NEB: variants seen among roughly 807,000 people sequenced by gnomAD.
NEB encodes nebulin, also known as nemaline myopathy type 2.
In NEB, 512 loss-of-function variants were observed where a neutral mutation model predicts 952.2. The observed-to-expected ratio is 0.54, with a 90% confidence interval of 0.50 to 0.58. The LOEUF is 0.58. Ranked by LOEUF, NEB falls within the 20% of genes least tolerant of loss-of-function variation. NEB has a pLI of 0.00. For missense variants in NEB, 8,428 were observed against 9,231.1 expected, an observed-to-expected ratio of 0.91 and a Z score of 3.56; for synonymous variants, 2,900 against 3,149.8, an observed-to-expected ratio of 0.92 and a Z score of 2.66.
chr2:151,712,582 C>T (rs1480599193), intron 10 of NEB, among the ~76,000 whole-genome samples: 2 of 151,646 alleles, frequency 1.3e-5, no homozygotes, highest in African/African-American at 2.4e-5. Flanking sequence ...AATCCACTCC[C>T]GAGCACTGCC....
In NEB at chr2:151,485,703, G is replaced by A. The variant is rs566096042; in HGVS notation, c.*57C>T. On this transcript the variant is annotated 3_prime_UTR_variant, in exon 182 of 182. Coordinates refer to ENST00000397345, the MANE Select transcript of NEB (RefSeq NM_001164508.2). Reference sequence around the variant, plus strand: ...TAGGTAACAGTGGAGAGTCTAAACCGAAACATTGACTGCAGGATCTGTAAG... The same window carrying A: ...TAGGTAACAGTGGAGAGTCTAAACCAAAACATTGACTGCAGGATCTGTAAG... 309 of 1,525,160 alleles carry A rather than the reference G, an allele frequency of 2.0e-4. 1 individual carries two copies. The African/African-American group carries it at 3.3e-3, about 16-fold the overall frequency. The allele number at this position is 1,525,160 out of a possible 1,614,324, so 94.5% of individuals were successfully genotyped here.
chr2:151,574,988 C>T (rs746795048), intron 107 of NEB, among the ~76,000 whole-genome samples: 4 of 152,298 alleles, frequency 2.6e-5, no homozygotes, highest in Non-Finnish European at 5.9e-5. Context: ...AATCCTCTGG[C>T]CTTGACCTCC....
At chr2:151,496,545 A>T (rs1425502301) in intron 172 of NEB, among the ~76,000 whole-genome samples, 177 bp from the exon 173 acceptor site, 2 of 152,162 alleles carry the variant, frequency 1.3e-5, no homozygotes, top group African/African-American at 4.8e-5. Context: ...TGGGATGGGG[A>T]ATCTGCACCC....
chr2:151,562,842 G>C, intron 119 of NEB, 34 bp from the exon 120 acceptor site: 3 of 1,439,290 alleles, frequency 2.1e-6, no homozygotes, highest in Non-Finnish European at 2.9e-6. Flanking sequence ...TAAGAAAGGG[G>C]TTTAAATGTA....
At chr2:151,662,024 A>G (rs2099154801) in intron 46 of NEB, 111 bp downstream of exon 46, 1 of 826,900 alleles carries the variant, frequency 1.2e-6, no homozygotes, top group Non-Finnish European at 1.8e-6. Context: ...AGGTAAAATA[A>G]CCTCAAGTGT....
intron 121 of NEB, 46 bp from the exon 122 acceptor site, chr2:151,561,358 T>C: frequency 7.5e-7 from 1 of 1,329,108 alleles, no homozygotes; most frequent in South Asian, 1.2e-5. Flanking sequence ...CATACAGGTC[T>C]GTCATCAGCT....
chr2:151,485,985 T>A, intron 181 of NEB, 52 bp from the exon 182 acceptor site: 1 of 1,540,364 alleles, frequency 6.5e-7, no homozygotes, highest in Non-Finnish European at 8.9e-7. Context: ...TTTGCAACAG[T>A]TAACACACAT....
At chr2:151,496,805 G>GA in intron 172 of NEB, 136 bp downstream of exon 172, 2 of 1,152,796 alleles carry the variant, frequency 1.7e-6, no homozygotes, top group Non-Finnish European at 1.2e-6. Flanking sequence ...TAGCCCAAAG[G>GA]AAAAAAGGAT....
intron 176 of NEB, 43 bp from the exon 177 acceptor site, chr2:151,492,537 C>T: frequency 7.0e-7 from 1 of 1,437,900 alleles, no homozygotes; most frequent in Non-Finnish European, 9.7e-7. Flanking sequence ...TGTCCTAAAT[C>T]TGAAACCTCA....
In NEB at chr2:151,535,724, C is replaced by G. The variant is rs1173221960; in HGVS notation, c.21279G>C (p.Arg7093Ser). The change falls in exon 142 of 182, where the codon AGG becomes AGC. Residue 7093 changes from arginine to serine, a missense_variant. Arg to Ser is a moderately radical substitution (Grantham distance 110). Transcript: ENST00000397345. ...FKYVADSPIN[R>S]HFKYATQLMN... ...TCAATTGAGTTGCATACTTGAAATG[C>G]CTATTGATCGGAGAGTCGGCAACAT... 6.2e-7 allele frequency: 1 copy of G among 1,608,886 alleles called. No homozygotes were observed. Among genetic ancestry groups the G allele is most frequent in the Non-Finnish European group, 8.5e-7 (1 of 1,177,210 alleles).
chr2:151,678,123 T>A lies in NEB; in HGVS notation c.3320A>T (p.Asp1107Val), dbSNP rs749185640. Residue 1107 changes from aspartate to valine, a missense_variant, in exon 33 of 182, where the codon GAT (aspartate) becomes GTT (valine). Transcript: ENST00000397345. ...CATATAATGAACCAGTTTAGGGTCATCTTGAAGACTTTGGAAGCCAACCAT... is the reference window on the plus strand; with the variant it reads ...CATATAATGAACCAGTTTAGGGTCAACTTGAAGACTTTGGAAGCCAACCAT... Reference protein sequence around the residue: ...GKMVGFQSLQDDPKLVHYMNV... With the variant: ...GKMVGFQSLQVDPKLVHYMNV... The A allele has an allele frequency of 1.2e-6, 2 of 1,613,652 alleles. No individual in the cohort carries two copies. The highest frequency in any genetic ancestry group is 1.7e-6 in the Non-Finnish European group (2 of 1,179,646).
intron 150 of NEB, 125 bp downstream of exon 150, chr2:151,525,833 C>G (rs2085403625): frequency 2.5e-6 from 2 of 799,458 alleles, no homozygotes; most frequent in Non-Finnish European, 4.5e-6. Context: ...TTAAGATTCA[C>G]ATGTAGATAT....
chr2:151,705,787 T>A (rs1366106407), intron 13 of NEB, among the ~76,000 whole-genome samples: 1 of 152,180 alleles, frequency 6.6e-6, no homozygotes, highest in Non-Finnish European at 1.5e-5. Context: ...TGAATGGAGC[T>A]GGAGGCCATT....
Position 151,627,077 on chromosome 2 carries a change from G to A in NEB, c.10272C>T (p.Asp3424=). The A allele has an allele frequency of 6.2e-7, 1 of 1,613,940 alleles. No individual in the cohort carries two copies. The highest frequency in any genetic ancestry group is 8.5e-7 in the Non-Finnish European group (1 of 1,179,872). The change falls in exon 70 of 182, where the codon GAC becomes GAT. Residue 3424 remains aspartate (D), a synonymous_variant. Coordinates refer to ENST00000397345, the MANE Select transcript of NEB (RefSeq NM_001164508.2). ...CAGTCACACTGGTAAATTTCAGCTTGTCCGGAGGCTGGCGGTAGATGTTAT... is the reference window on the plus strand; with the variant it reads ...CAGTCACACTGGTAAATTTCAGCTTATCCGGAGGCTGGCGGTAGATGTTAT... ...LSDNIYRQPP[D]KLKFTSVTDS... is the part of the protein sequence containing the mutation.
intron 154 of NEB, 66 bp from the exon 155 acceptor site, chr2:151,519,135 A>G (rs1384563469): frequency 2.0e-6 from 2 of 1,002,218 alleles, no homozygotes; most frequent in Non-Finnish European, 3.2e-6. Context: ...AATGGAAATC[A>G]AAGTGAGATA....
At chr2:151,612,073 G>T in intron 78 of NEB, 113 bp downstream of exon 78, 1 of 1,109,860 alleles carries the variant, frequency 9.0e-7, no homozygotes, top group Non-Finnish European at 1.3e-6. Context: ...GCCTGCATGA[G>T]AATCAGGCCT....
At chr2:151,662,914 C>G (rs1330346112) in intron 45 of NEB, among the ~76,000 whole-genome samples, 1 of 152,188 alleles carries the variant, frequency 6.6e-6, no homozygotes, top group Non-Finnish European at 1.5e-5. Flanking sequence ...CTTACTACCT[C>G]CCTGACAATT....
Position 151,667,756 on chromosome 2 carries a change from C to T in NEB, c.4719+48G>A, listed in dbSNP as rs1056203013. ...ATGTTGCCCAGGCTGGTCTTGAACT[C>T]CTGAAGTCTTTTAGATAGAAAGTTT... On this transcript the variant is annotated intron_variant, in intron 40 of 181. Transcript: ENST00000397345. The T allele has an allele frequency of 5.4e-6, 8 of 1,492,936 alleles. No individual in the cohort carries two copies. The Admixed American group carries it at 1.2e-4, about 22-fold the overall frequency. The allele number at this position is 1,492,936 out of a possible 1,614,324, so 92.5% of individuals were successfully genotyped here.
chr2:151,660,227 A>G (rs2099131506), intron 46 of NEB, among the ~76,000 whole-genome samples: 2 of 152,186 alleles, frequency 1.3e-5, no homozygotes, highest in Admixed American at 6.5e-5. Context: ...TCATGCCAGC[A>G]TCACTGTTCA....
Sources: gnomAD v4.1 joint callset for allele counts (sites outside exome capture counted in the v4.1 genomes callset) on GRCh38, gnomAD v4.1.1 for gene constraint, MANE v1.5 for transcripts, NCBI Gene and HGNC (gene_info 2026-07-23, HGNC 2026-07-21) for gene names.